Variants in PATJ observed in about 807,000 individuals in gnomAD.
The protein encoded by PATJ is inaD-like protein.
In PATJ, 190 loss-of-function variants were observed where a neutral mutation model predicts 224.9. The observed-to-expected ratio is 0.84, with a 90% confidence interval of 0.75 to 0.95. PATJ has a LOEUF of 0.95. Among genes scored for constraint, PATJ ranks in the 40% least tolerant of loss-of-function variants. The probability of loss-of-function intolerance (pLI) is 0.00; values close to 1 mark genes in which losing one functional copy is unlikely to be tolerated. For missense variants in PATJ, 2,121 were observed against 2,270.3 expected (o/e 0.93, Z 1.34); for synonymous variants, 769 against 820.3 (o/e 0.94, Z 1.07).
At position 61,908,432 on chromosome 1, in the gene PATJ, G is replaced by T. The variant is rs150836159; in HGVS notation, c.3442G>T (p.Ala1148Ser). Residue 1148 changes from alanine (A) to serine (S), a missense_variant, in exon 25 of 44, where the codon GCA becomes TCA. By Grantham distance (99) the Ala-to-Ser change is moderately conservative. Transcript: ENST00000642238. ...HSEAVEAIKN[A>S]GNPVVFIVQS... The stretch of plus-strand genomic sequence containing the variant: ...CGAAGCAGTTGAGGCCATTAAGAAT[G>T]CAGGAAACCCTGTGGTGTTCATTGT... The T allele has an allele frequency of 5.6e-6, 9 of 1,613,948 alleles. No individual in the cohort carries two copies. In the African/African-American group the frequency reaches 1.1e-4, roughly 19 times the overall value.
At chr1:61,785,480 G>T (rs1012830624) in intron 7 of PATJ, among the ~76,000 whole-genome samples, 1 of 152,174 alleles carries the variant, frequency 6.6e-6, no homozygotes, top group Non-Finnish European at 1.5e-5. Flanking sequence ...TCAGCTTTGT[G>T]ACCTTGGTCA....
chr1:61,854,301 A>G (rs972453178), intron 17 of PATJ, among the ~76,000 whole-genome samples: 1 of 152,188 alleles, frequency 6.6e-6, no homozygotes, highest in African/African-American at 2.4e-5. Flanking sequence ...GCCTTGTGGA[A>G]CAGCATGTGC....
chr1:61,992,075 C>T (rs527806866), intron 28 of PATJ, among the ~76,000 whole-genome samples: 15 of 151,200 alleles, frequency 9.9e-5, no homozygotes, highest in African/African-American at 2.4e-4. Context: ...CTCCAAGACC[C>T]GTGTTACAGC....
intron 11 of PATJ, among the ~76,000 whole-genome samples, chr1:61,800,842 G>C (rs956980129): frequency 2.0e-5 from 3 of 151,976 alleles, no homozygotes; most frequent in Admixed American, 6.6e-5. Context: ...TTGGTGTTCT[G>C]TCCTTGTGAT....
chr1:61,996,935 T>A (rs1306606185), intron 28 of PATJ, among the ~76,000 whole-genome samples: 1 of 151,718 alleles, frequency 6.6e-6, no homozygotes, highest in Non-Finnish European at 1.5e-5. Context: ...GGAGACGGGG[T>A]GTCACCATGT....
chr1:62,013,140 C>T (rs1189095876), intron 28 of PATJ, among the ~76,000 whole-genome samples: 1 of 152,218 alleles, frequency 6.6e-6, no homozygotes, highest in Non-Finnish European at 1.5e-5. Flanking sequence ...CAGATTTCCT[C>T]TTACGTAAAT....
At chr1:62,073,787 C>T (rs1219881930) in intron 31 of PATJ, among the ~76,000 whole-genome samples, 1 of 152,126 alleles carries the variant, frequency 6.6e-6, no homozygotes, top group African/African-American at 2.4e-5. Context: ...CCCAGGAATT[C>T]CAGACCAGCC....
At chr1:61,832,443 A>G (rs887254752) in intron 16 of PATJ, among the ~76,000 whole-genome samples, 2 of 152,124 alleles carry the variant, frequency 1.3e-5, no homozygotes, top group African/African-American at 2.4e-5. Flanking sequence ...TGCTTCTCTT[A>G]TACTGGTGTT....
intron 42 of PATJ, among the ~76,000 whole-genome samples, chr1:62,152,736 T>C (rs1668754825): frequency 6.6e-6 from 1 of 152,182 alleles, no homozygotes; most frequent in South Asian, 2.1e-4. Context: ...AGAGTTTATG[T>C]GAAGACTGGC....
chr1:61,877,887 G>A (rs1277732473), intron 21 of PATJ, among the ~76,000 whole-genome samples: 1 of 152,104 alleles, frequency 6.6e-6, no homozygotes, highest in Admixed American at 6.5e-5. Flanking sequence ...GATTACAGAG[G>A]CCCTACAGGA....
Position 61,795,505 on chromosome 1 carries a change from G to A in PATJ, c.1207G>A (p.Gly403Ser). The A allele has an allele frequency of 6.2e-7, 1 of 1,609,868 alleles. No homozygotes were observed. The highest frequency in any genetic ancestry group is 8.5e-7 in the Non-Finnish European group (1 of 1,176,974). ...GATTTATGTGAAAAGTATAATACCTGGCAGTGCTGCGTACCACAATGGCCA... is the reference window on the plus strand; with the variant it reads ...GATTTATGTGAAAAGTATAATACCTAGCAGTGCTGCGTACCACAATGGCCA... Reference protein sequence around the residue: ...SGIYVKSIIPGSAAYHNGHIQ... With the variant: ...SGIYVKSIIPSSAAYHNGHIQ... Residue 403 changes from glycine (G) to serine (S), a missense_variant, in exon 10 of 44, where the codon GGC (glycine) becomes AGC (serine). By Grantham distance (56) the Gly-to-Ser change is moderately conservative. Transcript: ENST00000642238.
intron 17 of PATJ, among the ~76,000 whole-genome samples, chr1:61,851,449 C>T (rs767899978): frequency 1.1e-4 from 17 of 151,998 alleles, no homozygotes; most frequent in Non-Finnish European, 2.1e-4. Context: ...CATTAAGCCA[C>T]GCAGCATGAC....
intron 18 of PATJ, among the ~76,000 whole-genome samples, chr1:61,856,811 T>C (rs1228449837): frequency 3.9e-5 from 6 of 152,192 alleles, no homozygotes; most frequent in Admixed American, 3.3e-4. Context: ...CAGGCTGGTC[T>C]TGAAGTCCTG....
At chr1:61,947,536 T>G (rs971533887) in intron 27 of PATJ, among the ~76,000 whole-genome samples, 2 of 152,138 alleles carry the variant, frequency 1.3e-5, no homozygotes, top group African/African-American at 4.8e-5. Context: ...CAAGGAGAAC[T>G]ACAAACCACT....
chr1:62,125,273 A>AAAAAAAC (rs1166145137), intron 39 of PATJ, among the ~76,000 whole-genome samples: 1 of 145,668 alleles, frequency 6.9e-6, no homozygotes, highest in South Asian at 2.3e-4. Context: ...ACAAAAAAAA[A>AAAAAAAC]ACGCCATTAG....
Position 62,126,757 on chromosome 1 carries a change from A to G in PATJ, c.5044-1215A>G, listed in dbSNP as rs553518946. The stretch of plus-strand genomic sequence containing the variant: ...AGAGCATAGTATGTGTGGCAGTTTA[A>G]TCATAAACACCATATGAGAACATAC... On this transcript the variant is annotated intron_variant, in intron 39 of 43. Coordinates refer to ENST00000642238, the MANE Select transcript of PATJ (RefSeq NM_001350145.3). Among the ~76,000 whole-genome samples the G allele has an allele frequency of 3.9e-5, 6 of 152,364 alleles. No homozygotes were observed. In the South Asian group the frequency reaches 8.3e-4, roughly 21 times the overall value.
intron 28 of PATJ, among the ~76,000 whole-genome samples, chr1:61,992,930 A>G (rs1181619916): frequency 6.6e-6 from 1 of 152,220 alleles, no homozygotes; most frequent in Non-Finnish European, 1.5e-5. Flanking sequence ...CAGAACATCA[A>G]CTGACATCAA....
At chr1:62,084,999 C>T (rs1454827252) in intron 33 of PATJ, among the ~76,000 whole-genome samples, 11 of 152,108 alleles carry the variant, frequency 7.2e-5, no homozygotes, top group African/African-American at 7.2e-5. Context: ...CAGTGGCTCA[C>T]GCCTGTAATC....
At position 62,015,602 on chromosome 1, in the gene PATJ, G is replaced by A. The variant is rs117728053; in HGVS notation, c.3868-2254G>A. Among the ~76,000 whole-genome samples, 91 of 151,954 alleles carry A rather than the reference G, an allele frequency of 6.0e-4. No homozygotes were observed. The East Asian group carries it at 0.016, about 27-fold the overall frequency. ...GGCTGGAGTGCAGTGGCGCAATCTC[G>A]GCTTGCTGTAACCTCTGCCTCCCAG... On this transcript the variant is annotated intron_variant, in intron 28 of 43. Coordinates refer to ENST00000642238, the MANE Select transcript of PATJ (RefSeq NM_001350145.3).
Sources: gnomAD v4.1 joint callset for allele counts (sites outside exome capture counted in the v4.1 genomes callset) on GRCh38, gnomAD v4.1.1 for gene constraint, MANE v1.5 for transcripts, NCBI Gene and HGNC (gene_info 2026-07-23, HGNC 2026-07-21) for gene names.